The following SLC8B1 variants were observed in gnomAD, a reference collection of about 807,000 sequenced individuals.
The protein encoded by SLC8B1 is mitochondrial sodium/calcium exchanger protein.
A neutral mutation model predicts 63.4 loss-of-function variants in SLC8B1; 52 were observed. The ratio of observed to expected loss-of-function variants is 0.82; its 90% CI spans 0.66 to 1.03. The LOEUF is 1.03. Ranked by LOEUF, SLC8B1 falls within the 50% of genes least tolerant of loss-of-function variation. The pLI is 0.00. For synonymous variants in SLC8B1, 336 were observed against 323.9 expected (o/e 1.04, Z -0.40); for missense variants, 657 against 741.7 (o/e 0.89, Z 1.33).
At chr12:113,324,328 C>CAAAAA (rs1213496515) in intron 2 of SLC8B1, among the ~76,000 whole-genome samples, 1 of 134,800 alleles carries the variant, frequency 7.4e-6, no homozygotes, top group African/African-American at 2.7e-5. Flanking sequence ...AACAAACAAA[C>CAAAAA]AAAAAAAAAA....
At chr12:113,331,485 A>C (rs569242493) in intron 2 of SLC8B1, among the ~76,000 whole-genome samples, 56 of 152,088 alleles carry the variant, frequency 3.7e-4, no homozygotes, top group African/African-American at 5.3e-4. Flanking sequence ...CAGCACAGCC[A>C]GAATAAAAGC....
chr12:113,334,278 G>A (rs959684787), intron 1 of SLC8B1, among the ~76,000 whole-genome samples, 165 bp downstream of exon 1: 3 of 152,162 alleles, frequency 2.0e-5, no homozygotes, highest in Non-Finnish European at 4.4e-5. Context: ...GTTCTACGAT[G>A]AGTATGTCTT....
chr12:113,318,876 T>G, intron 8 of SLC8B1, 88 bp downstream of exon 8: 1 of 976,604 alleles, frequency 1.0e-6, no homozygotes, highest in Admixed American at 2.0e-5. Flanking sequence ...GTGGGGACAA[T>G]GGCCTCAGGA....
chr12:113,329,142 C>A (rs1288245486), intron 2 of SLC8B1, among the ~76,000 whole-genome samples: 1 of 152,172 alleles, frequency 6.6e-6, no homozygotes. Flanking sequence ...GTGCTGCACA[C>A]CGTGCTGGGC....
intron 2 of SLC8B1, among the ~76,000 whole-genome samples, chr12:113,325,885 C>T (rs185962577): frequency 6.6e-6 from 1 of 152,286 alleles, no homozygotes; most frequent in East Asian, 1.9e-4. Flanking sequence ...TGTCTGCATT[C>T]TTGTATTTGC....
At chr12:113,331,179 G>C (rs1957049793) in intron 2 of SLC8B1, among the ~76,000 whole-genome samples, 1 of 151,946 alleles carries the variant, frequency 6.6e-6, no homozygotes, top group Non-Finnish European at 1.5e-5. Context: ...GAGAGGGTGG[G>C]AGTTCAATAC....
At chr12:113,317,772 T>C (rs1374520120) in intron 8 of SLC8B1, among the ~76,000 whole-genome samples, 2 of 105,422 alleles carry the variant, frequency 1.9e-5, no homozygotes, top group African/African-American at 8.2e-5. Flanking sequence ...GTGCATGTAT[T>C]TGTATGTGTG....
chr12:113,324,097 A>T (rs1428173564), intron 2 of SLC8B1, among the ~76,000 whole-genome samples: 1 of 152,142 alleles, frequency 6.6e-6, no homozygotes, highest in Non-Finnish European at 1.5e-5. Context: ...GGATCGCTTA[A>T]GCCCAGGAGT....
chr12:113,316,822 G>T, intron 9 of SLC8B1, 120 bp downstream of exon 9: 1 of 1,473,202 alleles, frequency 6.8e-7, no homozygotes, highest in Non-Finnish European at 9.3e-7. Flanking sequence ...GAGCTGCAGT[G>T]AGAGGTGGGG....
In SLC8B1 at chr12:113,307,830, C is replaced by T; in HGVS notation, c.1272G>A (p.Leu424=). Reference sequence around the variant, plus strand: ...TCCACAGGGCGCTGGTCAGAAAGCCCAGGAAAGCAAAGAGCTGCGGAGGGA... The same window carrying T: ...TCCACAGGGCGCTGGTCAGAAAGCCTAGGAAAGCAAAGAGCTGCGGAGGGA... ...PPRLHWLFAF[L]GFLTSALWIN... The change falls in exon 13 of 16, where the codon CTG becomes CTA. Residue 424 remains leucine, a synonymous_variant. Coordinates refer to ENST00000680972, the MANE Select transcript of SLC8B1 (RefSeq NM_001358345.2). 3.7e-6 allele frequency: 6 copies of T among 1,612,912 alleles called. No homozygotes were observed. The highest frequency in any genetic ancestry group is 5.1e-6 in the Non-Finnish European group (6 of 1,179,990).
intron 8 of SLC8B1, among the ~76,000 whole-genome samples, chr12:113,318,151 CAT>C (rs1256745202): frequency 3.3e-5 from 5 of 151,492 alleles, no homozygotes; most frequent in Non-Finnish European, 7.4e-5. Context: ...TGTGTGCATG[CAT>C]GTTTTGTGTT....
At chr12:113,325,307 G>A (rs1184083718) in intron 2 of SLC8B1, among the ~76,000 whole-genome samples, 1 of 152,190 alleles carries the variant, frequency 6.6e-6, no homozygotes, top group Non-Finnish European at 1.5e-5. Flanking sequence ...AGGCTGGAGT[G>A]CAGTGGGGCA....
intron 14 of SLC8B1, 30 bp from the exon 15 acceptor site, chr12:113,304,415 A>C (rs1383663434): frequency 6.2e-7 from 1 of 1,606,688 alleles, no homozygotes; most frequent in African/African-American, 1.3e-5. Context: ...GCTTTGCTGG[A>C]ATGGCCTGCA....
In SLC8B1 at chr12:113,320,835, TG is replaced by T; in HGVS notation, c.420+14del. 3.1e-6 allele frequency: 5 copies of T among 1,598,826 alleles called. No homozygotes were observed. The highest frequency in any genetic ancestry group is 4.3e-6 in the Non-Finnish European group (5 of 1,174,096). Reference sequence around the variant, plus strand: ...GCCCTCCCTCCAGGGTGCAGGACACTGGACAAAAGGATACTGCCACGTTGTG... The same window carrying T: ...GCCCTCCCTCCAGGGTGCAGGACACTGACAAAAGGATACTGCCACGTTGTG... On this transcript the variant is annotated intron_variant, in intron 5 of 15. Coordinates refer to ENST00000680972, the MANE Select transcript of SLC8B1 (RefSeq NM_001358345.2). The surrounding 1 kb of genome is among the most constrained non-coding windows in gnomAD (Gnocchi z 5.3).
rs897572143 is a variant in SLC8B1, at chr12:113,305,973, T to G, written c.1492+522A>C. On this transcript the variant is annotated intron_variant, in intron 14 of 15. Transcript: ENST00000680972. This position sits in a 1 kb window ranked among gnomAD's most constrained non-coding sequence, Gnocchi z 4.3. Reference sequence around the variant, plus strand: ...ACTCAGAAGACTGAGGCAGGAGAATTGCTTGAACCCGGAAGGCAGAAATTG... The same window carrying G: ...ACTCAGAAGACTGAGGCAGGAGAATGGCTTGAACCCGGAAGGCAGAAATTG... 6.8e-6 allele frequency among the ~76,000 whole-genome samples: 1 copy of G among 147,294 alleles called. No individual in the cohort carries two copies. The highest frequency in any genetic ancestry group is 7.0e-5 in the Admixed American group (1 of 14,334).
Position 113,320,048 on chromosome 12 carries a change from C to T in SLC8B1, c.694+283G>A. The T allele has an allele frequency of 5.4e-6, 2 of 369,164 alleles. 1 individual carries two copies. 22.9% of individuals were successfully genotyped at this position (369,164 alleles called of 1,614,324 possible). A position where few individuals can be genotyped will look rare whatever the true frequency, so the allele number is the denominator to read the frequency against. On this transcript the variant is annotated intron_variant, in intron 7 of 15. Coordinates refer to ENST00000680972, the MANE Select transcript of SLC8B1 (RefSeq NM_001358345.2). The surrounding 1 kb of genome is among the most constrained non-coding windows in gnomAD (Gnocchi z 5.3). ...ACCAAAGTGATCCTCCTGCCTCAGC[C>T]TCTCAAATTGCTGGGATGATAGGTG...
chr12:113,312,529 G>A (rs1326086032), intron 11 of SLC8B1, among the ~76,000 whole-genome samples: 2 of 152,120 alleles, frequency 1.3e-5, no homozygotes, highest in East Asian at 1.9e-4. Context: ...TAGAGATGGG[G>A]GAGGCTGGAG....
chr12:113,300,890 C>A (rs190135820), intron 15 of SLC8B1, among the ~76,000 whole-genome samples: 2 of 152,372 alleles, frequency 1.3e-5, no homozygotes, highest in East Asian at 3.9e-4. Flanking sequence ...AATCCCAACA[C>A]TTTGGGAGGC....
chr12:113,322,226 G>C (rs761998088), intron 2 of SLC8B1, among the ~76,000 whole-genome samples: 1 of 152,022 alleles, frequency 6.6e-6, no homozygotes, highest in Non-Finnish European at 1.5e-5. Flanking sequence ...AACAGTCTGC[G>C]AGGAAGGAAC....
Sources: allele counts gnomAD v4.1 joint callset (sites outside exome capture counted in the v4.1 genomes callset), GRCh38; gene constraint gnomAD v4.1.1; non-coding constraint Gnocchi (gnomAD v3.1); transcripts MANE v1.5; gene names NCBI Gene and HGNC (gene_info 2026-07-23, HGNC 2026-07-21).